GRM5: variants seen among roughly 807,000 people sequenced by gnomAD.
GRM5 encodes the protein glutamate metabotropic receptor 5, also known as metabotropic glutamate receptor 5.
Under a neutral mutation model 83.1 loss-of-function variants are expected in GRM5, and 19 were observed. That is an observed-to-expected ratio of 0.23 (90% CI 0.16 to 0.34). GRM5 has a LOEUF of 0.34. Among genes scored for constraint, GRM5 ranks in the 10% least tolerant of loss-of-function variants. The pLI is 1.00. For missense variants in GRM5, 1,160 were observed against 1,588.3 expected (o/e 0.73, Z 4.58); for synonymous variants, 675 against 633.6 (o/e 1.07, Z -0.98).
At chr11:88,723,052 C>T (rs912607894) in intron 3 of GRM5, among the ~76,000 whole-genome samples, 3 of 152,072 alleles carry the variant, frequency 2.0e-5, no homozygotes, top group South Asian at 2.1e-4. Context: ...CCTTGAAACC[C>T]GTCAACCACT....
chr11:88,647,570 C>A (rs887921594), intron 4 of GRM5, among the ~76,000 whole-genome samples: 1 of 151,926 alleles, frequency 6.6e-6, no homozygotes, highest in Non-Finnish European at 1.5e-5. Context: ...ACCTAGGCAT[C>A]ACCATTCAGG....
chr11:88,965,470 T>A (rs186952530), intron 2 of GRM5, among the ~76,000 whole-genome samples: 5 of 152,276 alleles, frequency 3.3e-5, no homozygotes, highest in African/African-American at 1.2e-4. Flanking sequence ...GAGATTAGGA[T>A]TTCAACATAT....
At chr11:88,606,506 AAGTC>A (rs1382664010) in intron 4 of GRM5, among the ~76,000 whole-genome samples, 21 of 152,230 alleles carry the variant, frequency 1.4e-4, no homozygotes, top group African/African-American at 4.8e-4. Context: ...ACAAGAGGGA[AAGTC>A]AGTCAGCCTC....
chr11:88,994,093 CA>C lies in GRM5; in HGVS notation c.661+53118del, dbSNP rs958239364. ...GTTACTAACAATGAACCATCCCCCC[CA>C]AAAAAAATAAGAATATAATCTTATT... On this transcript the variant is annotated intron_variant, in intron 2 of 9. Transcript: ENST00000305447. Among the ~76,000 whole-genome samples, 208 of 150,436 alleles carry C rather than the reference CA, an allele frequency of 1.4e-3. 1 individual carries two copies. The highest frequency in any genetic ancestry group is 4.7e-3 in the African/African-American group (193 of 41,126).
chr11:88,720,360 A>G (rs567189796), intron 3 of GRM5, among the ~76,000 whole-genome samples: 56 of 152,162 alleles, frequency 3.7e-4, no homozygotes, highest in African/African-American at 1.3e-3. Flanking sequence ...CTTGCAGACA[A>G]TTAAGTGAAG....
At chr11:89,009,126 A>G (rs1940612705) in intron 2 of GRM5, 1 of 711,796 alleles carries the variant, frequency 1.4e-6, no homozygotes, top group Non-Finnish European at 2.6e-6. Flanking sequence ...AAACCTTAAG[A>G]TGTATAAGAT....
intron 3 of GRM5, among the ~76,000 whole-genome samples, chr11:88,734,454 A>G (rs1941870255): frequency 6.6e-6 from 1 of 152,074 alleles, no homozygotes; most frequent in African/African-American, 2.4e-5. Context: ...CTGGATATAT[A>G]TCTAAAAGCA....
chr11:88,636,983 C>T (rs61902041), intron 4 of GRM5, among the ~76,000 whole-genome samples: 18,573 of 152,130 alleles, frequency 0.12, 1,478 homozygotes, highest in Middle Eastern at 0.19. Context: ...AGTCAGGTAG[C>T]GTGATGCCTC....
intron 3 of GRM5, among the ~76,000 whole-genome samples, chr11:88,820,196 C>A (rs558495252): frequency 6.7e-6 from 1 of 149,486 alleles, no homozygotes; most frequent in Non-Finnish European, 1.5e-5. Context: ...CTGGGTAACA[C>A]AGTGAAACCC....
rs143359553 is a variant in GRM5, at chr11:88,519,938, C to T, written c.2726+5371G>A. On this transcript the variant is annotated intron_variant, in intron 9 of 9. Transcript: ENST00000305447. ...AGATAAGTGCTATAATATAATCTGA[C>T]GTTTATAGAAAATTGATATTAAAGA... Among the ~76,000 whole-genome samples, 935 of 152,150 alleles carry T rather than the reference C, an allele frequency of 6.1e-3. 12 individuals carry two copies. Among genetic ancestry groups the T allele is most frequent in the African/African-American group, 0.021 (861 of 41,538 alleles).
intron 2 of GRM5, among the ~76,000 whole-genome samples, chr11:88,988,226 T>G (rs1448862541): frequency 9.9e-4 from 150 of 152,122 alleles, no homozygotes; most frequent in Middle Eastern, 3.4e-3. Context: ...GAAGCCTCAG[T>G]AGCCGATGCA....
At chr11:88,993,055 TA>T (rs1174832416) in intron 2 of GRM5, among the ~76,000 whole-genome samples, 24 of 148,856 alleles carry the variant, frequency 1.6e-4, no homozygotes, top group African/African-American at 3.9e-4. Context: ...AAAAAATAAA[TA>T]AAAAAAAAGA....
intron 3 of GRM5, among the ~76,000 whole-genome samples, chr11:88,688,074 A>G (rs959071482): frequency 2.0e-5 from 3 of 152,170 alleles, no homozygotes; most frequent in Non-Finnish European, 2.9e-5. Flanking sequence ...TAAGAGGTCA[A>G]GAAGCTTGGG....
intron 3 of GRM5, among the ~76,000 whole-genome samples, chr11:88,769,751 A>C (rs1445241617): frequency 6.6e-6 from 1 of 152,088 alleles, no homozygotes; most frequent in Non-Finnish European, 1.5e-5. Context: ...GACTGATGTG[A>C]ATAAAAAATC....
At chr11:88,846,350 C>T (rs1318104048) in intron 3 of GRM5, among the ~76,000 whole-genome samples, 1 of 152,214 alleles carries the variant, frequency 6.6e-6, no homozygotes, top group Non-Finnish European at 1.5e-5. Context: ...TTGATCTCAG[C>T]CTGCTGTCAG....
Position 88,589,096 on chromosome 11 carries a change from A to C in GRM5, c.1690+1505T>G, listed in dbSNP as rs189240949. On this transcript the variant is annotated intron_variant, in intron 7 of 9. Transcript: ENST00000305447. Reference sequence around the variant, plus strand: ...TGCAAGTTAGTTGACGATGCAAGACAGTTTTTTATTTTCACAATAATCCAG... The same window carrying C: ...TGCAAGTTAGTTGACGATGCAAGACCGTTTTTTATTTTCACAATAATCCAG... Among the ~76,000 whole-genome samples the C allele has an allele frequency of 5.7e-4, 87 of 152,286 alleles. 1 individual carries two copies. The highest frequency in any genetic ancestry group is 1.0e-3 in the Non-Finnish European group (71 of 68,006).
At chr11:88,557,752 T>C (rs1942660195) in intron 8 of GRM5, among the ~76,000 whole-genome samples, 1 of 128,586 alleles carries the variant, frequency 7.8e-6, no homozygotes, top group Admixed American at 7.5e-5. Flanking sequence ...TTAATCATCC[T>C]TTTTTTTTTT....
chr11:88,531,020 T>C (rs187618294), intron 8 of GRM5, among the ~76,000 whole-genome samples: 3 of 152,202 alleles, frequency 2.0e-5, no homozygotes, highest in Admixed American at 6.5e-5. Context: ...AAGTTCTTTA[T>C]CCAGAAGTTG....
At chr11:88,906,104 G>A (rs554384840) in intron 2 of GRM5, among the ~76,000 whole-genome samples, 6 of 152,154 alleles carry the variant, frequency 3.9e-5, no homozygotes, top group East Asian at 1.9e-4. Flanking sequence ...TTTTGTAAAC[G>A]CAAATTAATT....
Sources: allele counts gnomAD v4.1 joint callset (sites outside exome capture counted in the v4.1 genomes callset), GRCh38; gene constraint gnomAD v4.1.1; transcripts MANE v1.5; gene names NCBI Gene and HGNC (gene_info 2026-07-23, HGNC 2026-07-21).